Variants in DLC1 observed in about 807,000 individuals in gnomAD.
DLC1 encodes the protein DLC1 Rho GTPase activating protein.
In DLC1, 54 loss-of-function variants were observed where a neutral mutation model predicts 140.3. The observed-to-expected ratio is 0.38, with a 90% CI of 0.31 to 0.48. The LOEUF (loss-of-function observed/expected upper bound fraction) is 0.48. Ranked by LOEUF, DLC1 falls within the 20% of genes least tolerant of loss-of-function variation. The pLI is 0.96. For missense variants in DLC1, 2,536 were observed against 1,907.0 expected, an observed-to-expected ratio of 1.33 and a Z score of -6.14; for synonymous variants, 986 against 728.1, an observed-to-expected ratio of 1.35 and a Z score of -5.70.
chr8:13,419,929 G>T (rs1273583241), intron 2 of DLC1, among the ~76,000 whole-genome samples: 1 of 152,120 alleles, frequency 6.6e-6, no homozygotes, highest in African/African-American at 2.4e-5. Flanking sequence ...ACTTCTTCCT[G>T]CTTTAGTCTT....
intron 2 of DLC1, among the ~76,000 whole-genome samples, chr8:13,489,148 T>C (rs1801114062): frequency 6.6e-6 from 1 of 151,942 alleles, no homozygotes; most frequent in South Asian, 2.1e-4. Context: ...GGTTTCATCA[T>C]ATTGGTCAGA....
intron 5 of DLC1, among the ~76,000 whole-genome samples, chr8:13,299,092 G>C (rs80269026): frequency 0.032 from 4,846 of 152,076 alleles, 125 homozygotes; most frequent in African/African-American, 0.073. Flanking sequence ...TAAGTCATAA[G>C]GCTAGTATAT....
At chr8:13,424,546 T>C (rs1254643707) in intron 2 of DLC1, among the ~76,000 whole-genome samples, 2 of 152,040 alleles carry the variant, frequency 1.3e-5, no homozygotes, top group Non-Finnish European at 2.9e-5. Flanking sequence ...CCTTAAGATC[T>C]TCCTTGTGCT....
At chr8:13,327,880 A>G (rs1209251103) in intron 4 of DLC1, among the ~76,000 whole-genome samples, 1 of 152,246 alleles carries the variant, frequency 6.6e-6, no homozygotes, top group Non-Finnish European at 1.5e-5. Context: ...GGGTAACTTC[A>G]TTTAGCTATT....
At chr8:13,166,631 C>A (rs1268230147) in intron 5 of DLC1, among the ~76,000 whole-genome samples, 1 of 152,176 alleles carries the variant, frequency 6.6e-6, no homozygotes, top group South Asian at 2.1e-4. Context: ...TGGCTCCAGG[C>A]CCGATTTCTC....
chr8:13,449,001 G>A (rs553509167), intron 2 of DLC1, among the ~76,000 whole-genome samples: 10 of 152,178 alleles, frequency 6.6e-5, no homozygotes, highest in Admixed American at 1.3e-4. Flanking sequence ...GAGAAACTCT[G>A]TCAGCTGATG....
At chr8:13,378,707 T>A (rs931374484) in intron 4 of DLC1, among the ~76,000 whole-genome samples, 8 of 152,194 alleles carry the variant, frequency 5.3e-5, no homozygotes, top group African/African-American at 1.9e-4. Flanking sequence ...GAGTCTTTCA[T>A]CAGCCTGAAA....
intron 2 of DLC1, among the ~76,000 whole-genome samples, chr8:13,408,170 T>G (rs1207296207): frequency 6.6e-6 from 1 of 152,214 alleles, no homozygotes; most frequent in African/African-American, 2.4e-5. Flanking sequence ...AACTATTTCC[T>G]GTTTGCTAGA....
At chr8:13,323,543 T>G (rs1224266315) in intron 4 of DLC1, among the ~76,000 whole-genome samples, 1 of 152,198 alleles carries the variant, frequency 6.6e-6, no homozygotes, top group Non-Finnish European at 1.5e-5. Context: ...ATGGTCATCC[T>G]TTATTAATTT....
At chr8:13,600,191 G>C (rs1237606212) in intron 1 of DLC1, among the ~76,000 whole-genome samples, 1 of 151,830 alleles carries the variant, frequency 6.6e-6, no homozygotes, top group African/African-American at 2.4e-5. Context: ...TGTGAATCTT[G>C]ATTTAAGCTA....
At chr8:13,555,903 C>T (rs1233211031) in intron 1 of DLC1, among the ~76,000 whole-genome samples, 2 of 151,980 alleles carry the variant, frequency 1.3e-5, no homozygotes, top group Non-Finnish European at 2.9e-5. Flanking sequence ...ACATTTTCCC[C>T]TGAACTTTCT....
chr8:13,267,425 C>T (rs1830730995), intron 5 of DLC1, among the ~76,000 whole-genome samples: 1 of 151,754 alleles, frequency 6.6e-6, no homozygotes, highest in South Asian at 2.1e-4. Flanking sequence ...TCAGAGGTCA[C>T]ACTTCAATCT....
At chr8:13,585,662 C>G (rs1161341107) in intron 1 of DLC1, among the ~76,000 whole-genome samples, 3 of 152,180 alleles carry the variant, frequency 2.0e-5, no homozygotes, top group African/African-American at 7.2e-5. Flanking sequence ...GAGGGAGAAT[C>G]TGTTCCATGC....
At chr8:13,432,458 T>C (rs977152580) in intron 2 of DLC1, among the ~76,000 whole-genome samples, 3 of 152,384 alleles carry the variant, frequency 2.0e-5, no homozygotes, top group Admixed American at 1.3e-4. Context: ...ATTCTTATTT[T>C]AATCGTACAA....
intron 12 of DLC1, among the ~76,000 whole-genome samples, chr8:13,094,363 T>C (rs1818331404): frequency 6.6e-6 from 1 of 152,140 alleles, no homozygotes; most frequent in Non-Finnish European, 1.5e-5. Flanking sequence ...GCAGACTCTC[T>C]TGTCAAAAGA....
At chr8:13,133,369 C>T in intron 5 of DLC1, 1 of 1,020,652 alleles carries the variant, frequency 9.8e-7, no homozygotes, top group Admixed American at 5.5e-5. Context: ...GCGGCACCGC[C>T]TCCTCCCCGC....
chr8:13,276,540 G>A (rs1032575985), intron 5 of DLC1: 92 of 1,290,920 alleles, frequency 7.1e-5, no homozygotes, highest in Middle Eastern at 2.9e-4. Flanking sequence ...CCCGGGAAGC[G>A]CCAACTGCAG....
At chr8:13,287,757 G>A (rs1262259933) in intron 5 of DLC1, among the ~76,000 whole-genome samples, 1 of 152,116 alleles carries the variant, frequency 6.6e-6, no homozygotes, top group Non-Finnish European at 1.5e-5. Context: ...GATGATGCAA[G>A]AATGTCGAAA....
intron 2 of DLC1, among the ~76,000 whole-genome samples, chr8:13,440,669 A>T (rs1798465702): frequency 6.6e-6 from 1 of 151,704 alleles, no homozygotes; most frequent in Non-Finnish European, 1.5e-5. Context: ...TTCTCCCAGA[A>T]CTCCCATGTA....
Sources: gnomAD v4.1 joint callset for allele counts (sites outside exome capture counted in the v4.1 genomes callset) on GRCh38, gnomAD v4.1.1 for gene constraint, MANE v1.5 for transcripts, NCBI Gene and HGNC (gene_info 2026-07-23, HGNC 2026-07-21) for gene names.